Variants in FABP12 observed in about 807,000 individuals in gnomAD.
The protein encoded by FABP12 is fatty acid-binding protein 12.
Under a neutral mutation model 13.7 loss-of-function variants are expected in FABP12, and 19 were observed. The ratio of observed to expected loss-of-function variants is 1.39; its 90% CI spans 0.97 to 2.04. FABP12 has a LOEUF of 2.04. FABP12 is among the 30% of genes most tolerant of loss of function. The pLI is 0.00. For missense variants in FABP12, 182 were observed against 164.2 expected, an observed-to-expected ratio of 1.11 and a Z score of -0.59; for synonymous variants, 61 against 57.0, an observed-to-expected ratio of 1.07 and a Z score of -0.32.
At chr8:81,539,534 T>C (rs986536898) in intron 2 of FABP12, among the ~76,000 whole-genome samples, 1 of 150,364 alleles carries the variant, frequency 6.7e-6, no homozygotes, top group Non-Finnish European at 1.5e-5. Flanking sequence ...CAACATCTTT[T>C]GCGTGAATAC....
In FABP12 at chr8:81,544,208, G is replaced by A. The variant is rs547672322; in HGVS notation, c.-184-4465C>T. Among the ~76,000 whole-genome samples, 16 of 152,290 alleles carry A rather than the reference G, an allele frequency of 1.1e-4. No individual in the cohort carries two copies. The East Asian group carries it at 1.7e-3, about 17-fold the overall frequency. ...CCTAGGGCTGTTGTAACGAATTAAC[G>A]TTAACTGGGTGGCTTATGGCAACAG... On this transcript the variant is annotated intron_variant, in intron 1 of 5. Transcript: ENST00000692030.
intron 1 of FABP12, among the ~76,000 whole-genome samples, chr8:81,573,928 G>A (rs1162847568): frequency 6.6e-6 from 1 of 151,948 alleles, no homozygotes; most frequent in Non-Finnish European, 1.5e-5. Flanking sequence ...CCTTTTTACT[G>A]AATCGGATGG....
chr8:81,578,823 GT>G (rs763089399), intron 1 of FABP12, among the ~76,000 whole-genome samples: 7 of 105,660 alleles, frequency 6.6e-5, no homozygotes, highest in African/African-American at 8.1e-5. Context: ...ATTTGTTCAA[GT>G]TTTTTTTTTT....
At chr8:81,527,234 T>C (rs1481146167) in intron 3 of FABP12, 113 bp from the exon 4 acceptor site, 1 of 589,266 alleles carries the variant, frequency 1.7e-6, no homozygotes. Flanking sequence ...AGTTTTAGAA[T>C]GGTATTGACA....
upstream of FABP12, among the ~76,000 whole-genome samples, chr8:81,538,579 T>G: frequency 6.6e-6 from 1 of 152,144 alleles, no homozygotes; most frequent in East Asian, 1.9e-4. Context: ...CGAGCTGCCA[T>G]AAGCCTAGGG....
At chr8:81,574,719 T>G (rs1480128983) in intron 1 of FABP12, among the ~76,000 whole-genome samples, 1 of 152,170 alleles carries the variant, frequency 6.6e-6, no homozygotes, top group East Asian at 1.9e-4. Flanking sequence ...TCTTCTAGGT[T>G]TTCTAGTTTA....
chr8:81,538,854 T>G (rs1809282699), upstream of FABP12, among the ~76,000 whole-genome samples: 1 of 152,178 alleles, frequency 6.6e-6, no homozygotes, highest in Non-Finnish European at 1.5e-5. Context: ...CTTTTTAATT[T>G]TTTTATTGTT....
At chr8:81,566,688 C>T (rs1291771176) in intron 1 of FABP12, among the ~76,000 whole-genome samples, 1 of 152,010 alleles carries the variant, frequency 6.6e-6, no homozygotes, top group African/African-American at 2.4e-5. Flanking sequence ...ATAAGATAGA[C>T]CCACACTAGT....
intron 4 of FABP12, chr8:81,526,404 C>T (rs1392460491): frequency 6.6e-6 from 1 of 152,148 alleles, no homozygotes; most frequent in Non-Finnish European, 1.5e-5. Flanking sequence ...TCAATGAAAA[C>T]AACCTGATGC....
intron 1 of FABP12, among the ~76,000 whole-genome samples, chr8:81,579,775 A>G (rs137896908): frequency 5.9e-4 from 90 of 152,346 alleles, no homozygotes; most frequent in Middle Eastern, 3.4e-3. Flanking sequence ...TGCTTCTTTG[A>G]TGATGTAAAG....
In FABP12 at chr8:81,527,000, G is replaced by A; in HGVS notation, c.348+20C>T. 6.9e-7 allele frequency: 1 copy of A among 1,454,786 alleles called. No individual in the cohort carries two copies. The highest frequency in any genetic ancestry group is 1.4e-5 in the African/African-American group (1 of 71,420). The allele number at this position is 1,454,786 out of a possible 1,614,324, so 90.1% of individuals were successfully genotyped here. A position where few individuals can be genotyped will look rare whatever the true frequency, so the allele number is the denominator to read the frequency against. ...AGTCGTTGCAGAAGGTGGGAAGAAA[G>A]CGAGGATGGGCTAACTCACCACCAC... On this transcript the variant is annotated intron_variant, in intron 4 of 4. Transcript: ENST00000360464.
chr8:81,587,053 C>T (rs758044826), intron 1 of FABP12, among the ~76,000 whole-genome samples: 12 of 152,166 alleles, frequency 7.9e-5, no homozygotes, highest in Non-Finnish European at 1.5e-4. Context: ...ACAGGGAGCC[C>T]TTTCCCCACT....
intron 1 of FABP12, among the ~76,000 whole-genome samples, chr8:81,579,199 C>CTT (rs33956590): frequency 5.4e-5 from 8 of 147,468 alleles, no homozygotes; most frequent in Admixed American, 2.0e-4. Context: ...AAGAGAAAAA[C>CTT]TTTTTTTTTT....
At position 81,546,751 on chromosome 8, in the gene FABP12, T is replaced by G. The variant is rs535679315; in HGVS notation, c.-184-7008A>C. Among the ~76,000 whole-genome samples, 24 of 152,370 alleles carry G rather than the reference T, an allele frequency of 1.6e-4. No homozygotes were observed. The South Asian group carries it at 4.1e-3, about 26-fold the overall frequency. ...CACATACAGATTTTCCTGTGTCGTT[T>G]TTTTCATCCAAGAAAACTTCTGTGA... is the stretch of plus-strand genomic sequence containing the variant. On this transcript the variant is annotated intron_variant, in intron 1 of 5. Transcript: ENST00000692030.
intron 1 of FABP12, among the ~76,000 whole-genome samples, chr8:81,532,535 T>C (rs1213265553): frequency 1.3e-5 from 2 of 152,182 alleles, no homozygotes; most frequent in African/African-American, 4.8e-5. Context: ...AAAGATACTA[T>C]AGTTTGGCCA....
At chr8:81,571,022 G>T (rs2130072736) in intron 1 of FABP12, among the ~76,000 whole-genome samples, 1 of 149,952 alleles carries the variant, frequency 6.7e-6, no homozygotes, top group East Asian at 2.0e-4. Flanking sequence ...AGAGGCACCT[G>T]CAGGCCAGCG....
chr8:81,578,257 TATTGGTTTATAGTACTAAAACCATA>T (rs2130094806), intron 1 of FABP12, among the ~76,000 whole-genome samples: 1 of 152,296 alleles, frequency 6.6e-6, no homozygotes, highest in Non-Finnish European at 1.5e-5. Flanking sequence ...TTTAGATAAA[TATTGGTTTATAGTACTAAAACCATA>T]ATTCGACAAG....
chr8:81,555,016 A>G (rs1283920101), intron 1 of FABP12, among the ~76,000 whole-genome samples: 1 of 152,102 alleles, frequency 6.6e-6, no homozygotes, highest in Non-Finnish European at 1.5e-5. Flanking sequence ...ACACACTTTC[A>G]TGTTTTCTTG....
upstream of FABP12, among the ~76,000 whole-genome samples, chr8:81,535,300 A>C (rs1305053415): frequency 6.6e-6 from 1 of 152,168 alleles, no homozygotes; most frequent in Admixed American, 6.5e-5. Flanking sequence ...CTGCCACCGA[A>C]TACAATGTTT....
Sources: gnomAD v4.1 joint callset for allele counts (sites outside exome capture counted in the v4.1 genomes callset) on GRCh38, gnomAD v4.1.1 for gene constraint, MANE v1.5 for transcripts, NCBI Gene and HGNC (gene_info 2026-07-23, HGNC 2026-07-21) for gene names.